The following CACNB2 variants were observed in gnomAD, a reference collection of about 807,000 sequenced individuals.
The protein encoded by CACNB2 is calcium voltage-gated channel auxiliary subunit beta 2, also known as voltage-dependent L-type calcium channel subunit beta-2.
Under a neutral mutation model 73.3 loss-of-function variants are expected in CACNB2, and 42 were observed. The observed-to-expected ratio is 0.57, with a 90% CI of 0.45 to 0.74. The LOEUF (loss-of-function observed/expected upper bound fraction) is 0.74. CACNB2 is among the 30% of genes least tolerant of loss of function. CACNB2 has a pLI of 0.00. For missense variants in CACNB2, 940 were observed against 853.0 expected (o/e 1.10, Z -1.27); for synonymous variants, 348 against 310.3 (o/e 1.12, Z -1.28).
rs965270462 is a variant in CACNB2, at chr10:18,419,465, C to G, written c.333+17422C>G. Among the ~76,000 whole-genome samples, 3 of 152,314 alleles carry G rather than the reference C, an allele frequency of 2.0e-5. No individual in the cohort carries two copies. In the East Asian group the frequency reaches 5.8e-4, roughly 29 times the overall value. ...AGAAGGTGACACGGAGCCCTAGTCA[C>G]ACAGCTATGATTGGACTAAGGTTAT... On this transcript the variant is annotated intron_variant, in intron 3 of 13. Transcript: ENST00000324631.
intron 2 of CACNB2, among the ~76,000 whole-genome samples, chr10:18,283,115 A>T: frequency 6.6e-6 from 1 of 152,232 alleles, no homozygotes; most frequent in Non-Finnish European, 1.5e-5. Context: ...TCAAAACCAC[A>T]ATGAGATACT....
intron 3 of CACNB2, among the ~76,000 whole-genome samples, chr10:18,448,090 T>G (rs1245620324): frequency 6.6e-6 from 1 of 152,162 alleles, no homozygotes; most frequent in African/African-American, 2.4e-5. Context: ...CTCTTGGGCT[T>G]AAGCAGTCCT....
intron 3 of CACNB2, among the ~76,000 whole-genome samples, chr10:18,488,196 C>T (rs767357487): frequency 6.6e-6 from 1 of 151,624 alleles, no homozygotes; most frequent in Non-Finnish European, 1.5e-5. Context: ...ATGATTTGTG[C>T]CGGGAACTGT....
chr10:18,345,005 T>C (rs1447675410), intron 2 of CACNB2, among the ~76,000 whole-genome samples: 1 of 152,262 alleles, frequency 6.6e-6, no homozygotes, highest in Admixed American at 6.5e-5. Context: ...ATCAGATCAC[T>C]GTTTAATCAG....
At chr10:18,362,318 T>C (rs1474785648) in intron 2 of CACNB2, among the ~76,000 whole-genome samples, 1 of 152,230 alleles carries the variant, frequency 6.6e-6, no homozygotes, top group African/African-American at 2.4e-5. Flanking sequence ...GTTTCAGTTA[T>C]AGCTATTAAG....
At chr10:18,437,649 T>G (rs1164091125) in intron 3 of CACNB2, among the ~76,000 whole-genome samples, 1 of 152,180 alleles carries the variant, frequency 6.6e-6, no homozygotes, top group Non-Finnish European at 1.5e-5. Flanking sequence ...TTGTCTGTAT[T>G]CTGAGGAAGA....
chr10:18,466,269 T>G (rs910217458), intron 3 of CACNB2, among the ~76,000 whole-genome samples: 21 of 152,194 alleles, frequency 1.4e-4, no homozygotes, highest in Non-Finnish European at 1.0e-4. Context: ...ACAGTGTCGC[T>G]CTGTCACCCA....
intron 2 of CACNB2, among the ~76,000 whole-genome samples, chr10:18,377,140 G>C (rs1384381147): frequency 6.6e-6 from 1 of 151,954 alleles, no homozygotes; most frequent in Non-Finnish European, 1.5e-5. Flanking sequence ...CCTGCAAAAA[G>C]AAAACCAAAA....
intron 4 of CACNB2, among the ~76,000 whole-genome samples, chr10:18,500,079 G>A (rs2050111055): frequency 6.6e-6 from 1 of 152,172 alleles, no homozygotes. Flanking sequence ...GTTATCAGCT[G>A]TGCCTAGAAT....
At chr10:18,356,943 T>TTTTTTC (rs2041938306) in intron 2 of CACNB2, among the ~76,000 whole-genome samples, 1 of 74,620 alleles carries the variant, frequency 1.3e-5, no homozygotes, top group African/African-American at 4.3e-5. Flanking sequence ...ACTCAATTTC[T>TTTTTTC]TTTTTTTTTT....
intron 3 of CACNB2, among the ~76,000 whole-genome samples, chr10:18,402,617 A>T (rs549324311): frequency 2.0e-5 from 3 of 152,282 alleles, no homozygotes; most frequent in African/African-American, 7.2e-5. Context: ...GTGTGTATAT[A>T]TGGAGGGGAG....
chr10:18,432,838 AC>A (rs1239268272), intron 3 of CACNB2, among the ~76,000 whole-genome samples: 3 of 73,030 alleles, frequency 4.1e-5, no homozygotes, highest in Non-Finnish European at 7.4e-5. Context: ...GTCTAAAAAA[AC>A]AAACAAACAA....
At chr10:18,336,803 G>C (rs2041026258) in intron 2 of CACNB2, among the ~76,000 whole-genome samples, 1 of 152,122 alleles carries the variant, frequency 6.6e-6, no homozygotes, top group Non-Finnish European at 1.5e-5. Context: ...AATAAATGCT[G>C]AGTTAAACAA....
intron 2 of CACNB2, among the ~76,000 whole-genome samples, chr10:18,393,462 C>T (rs2043577560): frequency 6.6e-6 from 1 of 152,182 alleles, no homozygotes; most frequent in South Asian, 2.1e-4. Context: ...ATCATACCCT[C>T]ATGTTAAGGA....
rs112615661 is a variant in CACNB2 at position 18,264,972 on chromosome 10, C to T, written c.213+113997C>T. The stretch of plus-strand genomic sequence containing the variant: ...GCTGGTCAGCAGCTTTCTGAAACAT[C>T]GGGTCAATGTTCACTCCCACCTGTG... On this transcript the variant is annotated intron_variant, in intron 2 of 13. Transcript: ENST00000324631. Among the ~76,000 whole-genome samples, 17 of 152,162 alleles carry T rather than the reference C, an allele frequency of 1.1e-4. No individual in the cohort carries two copies. In the East Asian group the frequency reaches 2.3e-3, roughly 21 times the overall value.
At chr10:18,441,328 C>G (rs1156901798) in intron 3 of CACNB2, among the ~76,000 whole-genome samples, 3 of 152,126 alleles carry the variant, frequency 2.0e-5, no homozygotes, top group Non-Finnish European at 4.4e-5. Flanking sequence ...TTGCTTGAAC[C>G]AGGGAGTCAG....
intron 2 of CACNB2, among the ~76,000 whole-genome samples, chr10:18,368,217 T>C (rs1474035403): frequency 6.6e-6 from 1 of 152,198 alleles, no homozygotes; most frequent in East Asian, 1.9e-4. Flanking sequence ...AAGTTTTCAT[T>C]GTAAATTTCA....
chr10:18,396,156 C>A (rs143398650), intron 2 of CACNB2, among the ~76,000 whole-genome samples: 30 of 152,078 alleles, frequency 2.0e-4, no homozygotes, highest in Middle Eastern at 3.4e-3. Flanking sequence ...GGGGTTTCAC[C>A]ATGTTGCCCC....
chr10:18,173,181 A>G (rs904881833), intron 2 of CACNB2, among the ~76,000 whole-genome samples: 8 of 152,150 alleles, frequency 5.3e-5, no homozygotes, highest in African/African-American at 1.9e-4. Context: ...CAGCCTGCCA[A>G]AGTGCTGGGA....
Sources: allele counts gnomAD v4.1 joint callset (sites outside exome capture counted in the v4.1 genomes callset), GRCh38; gene constraint gnomAD v4.1.1; transcripts MANE v1.5; gene names NCBI Gene and HGNC (gene_info 2026-07-23, HGNC 2026-07-21).